The following LINGO2 variants were observed in gnomAD, a reference collection of about 807,000 sequenced individuals.
LINGO2 encodes the protein leucine rich repeat and Ig domain containing 2.
In LINGO2, 14 loss-of-function variants were observed where a neutral mutation model predicts 30.6. That is an observed-to-expected ratio of 0.46 (90% CI 0.30 to 0.72). LINGO2 has a LOEUF of 0.72. Among genes scored for constraint, LINGO2 ranks in the 30% least tolerant of loss-of-function variants. The pLI is 0.07. For synonymous variants in LINGO2, 317 were observed against 288.5 expected (o/e 1.10, Z -1.00); for missense variants, 729 against 751.7 (o/e 0.97, Z 0.35).
the LINGO2 span, among the ~76,000 whole-genome samples, chr9:28,818,236 C>A: frequency 6.6e-6 from 1 of 152,168 alleles, no homozygotes; most frequent in Non-Finnish European, 1.5e-5. Context: ...AGTCTAAAAG[C>A]ACAGGTGACC....
chr9:28,837,588 G>A, the LINGO2 span, among the ~76,000 whole-genome samples: 1 of 146,278 alleles, frequency 6.8e-6, no homozygotes, highest in Non-Finnish European at 1.5e-5. Flanking sequence ...CAGAGGTTGT[G>A]GTGAGCCAAG....
chr9:28,261,886 A>T (rs369534835), intron 4 of LINGO2, among the ~76,000 whole-genome samples: 1 of 152,114 alleles, frequency 6.6e-6, no homozygotes, highest in East Asian at 1.9e-4. Flanking sequence ...TTAAAAGGTC[A>T]TAAATTAATT....
At chr9:28,748,059 T>C in the LINGO2 span, among the ~76,000 whole-genome samples, 1 of 152,078 alleles carries the variant, frequency 6.6e-6, no homozygotes, top group African/African-American at 2.4e-5. Context: ...CATACTTGAT[T>C]GCTTTTTATG....
intron 3 of LINGO2, among the ~76,000 whole-genome samples, chr9:28,312,712 T>G (rs1824679171): frequency 6.6e-6 from 1 of 152,182 alleles, no homozygotes; most frequent in African/African-American, 2.4e-5. Context: ...GAGAAAATTT[T>G]AATAGTTTTA....
At chr9:28,415,005 A>T (rs926971317) in intron 2 of LINGO2, among the ~76,000 whole-genome samples, 2 of 152,264 alleles carry the variant, frequency 1.3e-5, no homozygotes, top group Admixed American at 6.6e-5. Context: ...ATAACATTGT[A>T]GAAAATTATT....
chr9:28,078,002 T>A (rs1825674829), intron 4 of LINGO2, among the ~76,000 whole-genome samples: 1 of 149,284 alleles, frequency 6.7e-6, no homozygotes, highest in Admixed American at 6.6e-5. Flanking sequence ...TGTGTTATGG[T>A]TAAGTGGTGG....
At chr9:28,691,915 CAATT>C in the LINGO2 span, among the ~76,000 whole-genome samples, 26 of 151,960 alleles carry the variant, frequency 1.7e-4, no homozygotes, top group Non-Finnish European at 3.5e-4. Context: ...CTCCATATAA[CAATT>C]AGTAAACAAG....
chr9:28,809,745 C>CAAAA, the LINGO2 span, among the ~76,000 whole-genome samples: 2 of 96,464 alleles, frequency 2.1e-5, no homozygotes, highest in East Asian at 3.1e-4. Context: ...GACTCTGTCT[C>CAAAA]AAAAAAAAAA....
the LINGO2 span, among the ~76,000 whole-genome samples, chr9:28,765,106 A>T: frequency 6.6e-6 from 1 of 152,158 alleles, no homozygotes; most frequent in South Asian, 2.1e-4. Flanking sequence ...ATCCTTATCA[A>T]ATTTTAATAG....
At chr9:27,958,946 A>G (rs1819708924) in intron 5 of LINGO2, among the ~76,000 whole-genome samples, 1 of 152,212 alleles carries the variant, frequency 6.6e-6, no homozygotes, top group Non-Finnish European at 1.5e-5. Flanking sequence ...AATGCTGTAA[A>G]ATACAAATTG....
rs563491457 is a variant in LINGO2, at chr9:28,190,993, C to G, written c.-87+104215G>C. Among the ~76,000 whole-genome samples, 7 of 152,288 alleles carry G rather than the reference C, an allele frequency of 4.6e-5. No homozygotes were observed. The South Asian group carries it at 1.0e-3, about 23-fold the overall frequency. On this transcript the variant is annotated intron_variant, in intron 4 of 5. Transcript: ENST00000379992. ...GTAAGTGGAGAAACAATTATTTGCTCTTTGCCAGCCAGGTGCCAGTTAGCA... is the reference window on the plus strand; with the variant it reads ...GTAAGTGGAGAAACAATTATTTGCTGTTTGCCAGCCAGGTGCCAGTTAGCA...
chr9:28,766,547 C>G, the LINGO2 span, among the ~76,000 whole-genome samples: 1 of 151,758 alleles, frequency 6.6e-6, no homozygotes, highest in Admixed American at 6.6e-5. Context: ...AATAGAACTA[C>G]TATATGAACC....
At chr9:28,063,456 G>T (rs942544129) in intron 4 of LINGO2, among the ~76,000 whole-genome samples, 4 of 151,848 alleles carry the variant, frequency 2.6e-5, no homozygotes, top group South Asian at 2.1e-4. Context: ...TAAAGACAAG[G>T]TCTTGATATG....
the LINGO2 span, among the ~76,000 whole-genome samples, chr9:28,931,184 A>C: frequency 7.2e-5 from 11 of 152,338 alleles, 1 homozygote; most frequent in South Asian, 2.3e-3. Context: ...AGTTTTCAAA[A>C]TGACTCTCAA....
chr9:28,344,785 C>T (rs1819501642), intron 3 of LINGO2, among the ~76,000 whole-genome samples: 2 of 151,946 alleles, frequency 1.3e-5, no homozygotes, highest in African/African-American at 2.4e-5. Context: ...GAAATTATAC[C>T]ATCCATCCCA....
chr9:28,832,544 G>T, the LINGO2 span, among the ~76,000 whole-genome samples: 1 of 152,026 alleles, frequency 6.6e-6, no homozygotes, highest in Non-Finnish European at 1.5e-5. Context: ...GTTCTAGTGG[G>T]GTGACTTGGG....
the LINGO2 span, among the ~76,000 whole-genome samples, chr9:28,811,408 T>C: frequency 6.6e-6 from 1 of 152,140 alleles, no homozygotes; most frequent in Admixed American, 6.5e-5. Flanking sequence ...CAGTGATTAT[T>C]TTCAAAACAT....
At chr9:28,623,327 C>G (rs1826498945) in intron 1 of LINGO2, among the ~76,000 whole-genome samples, 1 of 151,980 alleles carries the variant, frequency 6.6e-6, no homozygotes, top group African/African-American at 2.4e-5. Flanking sequence ...GATTTGAGAA[C>G]TAAAATATAA....
intron 3 of LINGO2, among the ~76,000 whole-genome samples, chr9:28,302,087 T>C (rs559503138): frequency 1.3e-5 from 2 of 152,080 alleles, no homozygotes; most frequent in Non-Finnish European, 2.9e-5. Context: ...GCACTAAATG[T>C]AGAAAGGAAA....
Sources: gnomAD v4.1 joint callset for allele counts (sites outside exome capture counted in the v4.1 genomes callset) on GRCh38, gnomAD v4.1.1 for gene constraint, MANE v1.5 for transcripts, NCBI Gene and HGNC (gene_info 2026-07-23, HGNC 2026-07-21) for gene names.